TEX11: variants seen among roughly 807,000 people sequenced by gnomAD.
TEX11 encodes testis-expressed protein 11.
A neutral mutation model predicts 84.4 loss-of-function variants in TEX11; 7 were observed. That is an observed-to-expected ratio of 0.08 (90% CI 0.05 to 0.16). The LOEUF is 0.16. TEX11 is among the 10% of genes least tolerant of loss of function. The pLI is 1.00. For missense variants in TEX11, 551 were observed against 660.5 expected, an observed-to-expected ratio of 0.83 and a Z score of 1.82; for synonymous variants, 264 against 222.8, an observed-to-expected ratio of 1.18 and a Z score of -1.64.
At chrX:70,589,351 A>C (rs1443596854) in intron 25 of TEX11, among the ~76,000 whole-genome samples, 1 of 109,953 alleles carries the variant, frequency 9.1e-6, no homozygotes, top group African/African-American at 3.3e-5. Context: ...ATATGTATAT[A>C]GTCTAGCTGT....
In TEX11 at chrX:70,595,337, G is replaced by A. The variant is rs551348739; in HGVS notation, c.2068-3514C>T. On this transcript the variant is annotated intron_variant, in intron 24 of 29. Coordinates refer to ENST00000374333, the MANE Select transcript of TEX11 (RefSeq NM_031276.3). The stretch of plus-strand genomic sequence containing the variant: ...TGACCTCAAGTGATCTGCCCACCTC[G>A]GCCTCCCAAAGTGCTAGGTTTACAG... Among the ~76,000 whole-genome samples, 71 of 111,110 alleles carry A rather than the reference G, an allele frequency of 6.4e-4. No homozygotes were observed. The South Asian group carries it at 0.013, about 20-fold the overall frequency.
At chrX:70,641,953 G>C (rs2089665370) in intron 17 of TEX11, among the ~76,000 whole-genome samples, 1 of 110,883 alleles carries the variant, frequency 9.0e-6, no homozygotes, top group African/African-American at 3.3e-5. Flanking sequence ...ACACAAAAAA[G>C]CCTTCAAAAT....
At chrX:70,752,142 T>C (rs773176107) in intron 9 of TEX11, among the ~76,000 whole-genome samples, 86 of 111,937 alleles carry the variant, frequency 7.7e-4, no homozygotes, top group Non-Finnish European at 1.3e-3. Context: ...TATGTTTGTG[T>C]TCTGTTTTAT....
At position 70,880,049 on chromosome X, in the gene TEX11, C is replaced by G. The variant is rs1412987331; in HGVS notation, c.98G>C (p.Arg33Thr). Residue 33 changes from arginine to threonine, a missense_variant, in exon 3 of 30, where the codon AGA (arginine) becomes ACA (threonine). Coordinates refer to ENST00000374333, the MANE Select transcript of TEX11 (RefSeq NM_031276.3). ...GATATTTGCTATGTCGCTGAAGAGT[C>G]TATCAATTGCCTCTGGTATGTTAGG... ...NSPNIPEAIDRLFSDIANINR... is the reference protein window; with the variant it reads ...NSPNIPEAIDTLFSDIANINR... The G allele has an allele frequency of 8.5e-7, 1 of 1,180,301 alleles. No homozygotes were observed. Among genetic ancestry groups the G allele is most frequent in the Non-Finnish European group, 1.1e-6 (1 of 871,730 alleles).
chrX:70,779,414 CA>C (rs1401892562), intron 9 of TEX11, among the ~76,000 whole-genome samples: 353 of 42,502 alleles, frequency 8.3e-3, no homozygotes, highest in African/African-American at 0.025. Context: ...GACCCCGTCT[CA>C]AAAAAAAAAA....
chrX:70,748,986 C>T (rs936285604), intron 9 of TEX11, among the ~76,000 whole-genome samples: 12 of 105,654 alleles, frequency 1.1e-4, no homozygotes, highest in African/African-American at 3.3e-4. Context: ...ATGGGGATGG[C>T]ATTGAATCTG....
chrX:70,833,279 A>AAAAAG (rs201329658), intron 8 of TEX11, among the ~76,000 whole-genome samples: 4,914 of 103,272 alleles, frequency 0.048, 335 homozygotes, highest in African/African-American at 0.15. Flanking sequence ...CAGAAAAAAA[A>AAAAAG]AAAAGAAAAG....
At chrX:70,577,101 A>G (rs1017819784) in intron 25 of TEX11, among the ~76,000 whole-genome samples, 1 of 111,728 alleles carries the variant, frequency 9.0e-6, no homozygotes, top group Non-Finnish European at 1.9e-5. Context: ...AAAAATTTCT[A>G]TTATCCTTGA....
chrX:70,572,815 C>T (rs1187414461), intron 25 of TEX11, among the ~76,000 whole-genome samples: 3 of 87,032 alleles, frequency 3.4e-5, no homozygotes, highest in African/African-American at 1.4e-4. Flanking sequence ...AACACATGGA[C>T]ACAGGAAGGG....
chrX:70,579,476 G>A (rs1165750189), intron 25 of TEX11, among the ~76,000 whole-genome samples: 3 of 99,988 alleles, frequency 3.0e-5, no homozygotes, highest in African/African-American at 7.3e-5. Flanking sequence ...CAGCCTGGGC[G>A]ACAGAGCAAG....
At chrX:70,655,730 C>T (rs926514930) in intron 16 of TEX11, among the ~76,000 whole-genome samples, 2 of 110,672 alleles carry the variant, frequency 1.8e-5, no homozygotes, top group African/African-American at 6.6e-5. Context: ...ATAGCTTTAT[C>T]GACACCTTGA....
At chrX:70,682,547 AT>A in intron 14 of TEX11, 126 bp downstream of exon 14, 1 of 729,862 alleles carries the variant, frequency 1.4e-6, no homozygotes, top group Non-Finnish European at 2.0e-6. Context: ...TTAAAAGACC[AT>A]TAGGGAGGAA....
At chrX:70,530,922 C>T (rs994469837) in intron 28 of TEX11, among the ~76,000 whole-genome samples, 2 of 111,372 alleles carry the variant, frequency 1.8e-5, no homozygotes, top group African/African-American at 6.5e-5. Flanking sequence ...ACATTAGGTG[C>T]TCTCATTCAG....
intron 27 of TEX11, 42 bp downstream of exon 27, chrX:70,553,264 A>T: frequency 2.1e-6 from 2 of 932,991 alleles, no homozygotes; most frequent in South Asian, 2.3e-5. Context: ...CATTGACTAT[A>T]GTTCTTTTGG....
the TEX11 span, among the ~76,000 whole-genome samples, chrX:70,517,559 C>T: frequency 0.063 from 6,988 of 110,561 alleles, 189 homozygotes; most frequent in African/African-American, 0.1. Flanking sequence ...TCAATGTTCA[C>T]CAGGGATATT....
intron 5 of TEX11, among the ~76,000 whole-genome samples, chrX:70,860,521 T>C (rs919267639): frequency 9.0e-5 from 10 of 111,483 alleles, no homozygotes. Flanking sequence ...AAATTTTTCA[T>C]TTGAAAAACT....
chrX:70,809,671 G>A (rs900610882), intron 8 of TEX11, among the ~76,000 whole-genome samples: 1 of 111,355 alleles, frequency 9.0e-6, no homozygotes, highest in Admixed American at 9.6e-5. Context: ...GTCAGGATGG[G>A]TACTGGTGAT....
intron 2 of TEX11, among the ~76,000 whole-genome samples, chrX:70,902,262 T>C: frequency 9.0e-6 from 1 of 110,908 alleles, no homozygotes; most frequent in Non-Finnish European, 1.9e-5. Context: ...AATAACATAA[T>C]AATAAATTTT....
At chrX:70,692,678 T>C (rs1366303490) in intron 13 of TEX11, among the ~76,000 whole-genome samples, 4 of 109,494 alleles carry the variant, frequency 3.7e-5, no homozygotes, top group African/African-American at 1.3e-4. Flanking sequence ...TATATATATA[T>C]GTATATATAT....
Sources: allele counts gnomAD v4.1 joint callset (sites outside exome capture counted in the v4.1 genomes callset), GRCh38; gene constraint gnomAD v4.1.1; transcripts MANE v1.5; gene names NCBI Gene and HGNC (gene_info 2026-07-23, HGNC 2026-07-21).